GDPD5: variants seen among roughly 807,000 people sequenced by gnomAD.
GDPD5 encodes glycerophosphodiester phosphodiesterase domain containing 5.
Under a neutral mutation model 75.1 loss-of-function variants are expected in GDPD5, and 48 were observed. That is an observed-to-expected ratio of 0.64 (90% CI 0.51 to 0.81). GDPD5 has a LOEUF of 0.81. Ranked by LOEUF, GDPD5 falls within the 40% of genes least tolerant of loss-of-function variation. GDPD5 has a pLI of 0.00. For synonymous variants in GDPD5, 336 were observed against 339.0 expected, an observed-to-expected ratio of 0.99 and a Z score of 0.10; for missense variants, 706 against 822.6, an observed-to-expected ratio of 0.86 and a Z score of 1.73.
intron 14 of GDPD5, 26 bp downstream of exon 14, chr11:75,441,137 C>G: frequency 6.2e-7 from 1 of 1,610,506 alleles, no homozygotes; most frequent in Middle Eastern, 1.7e-4. Context: ...CACTGCCCCC[C>G]AGGGGCCCTC....
intron 4 of GDPD5, among the ~76,000 whole-genome samples, chr11:75,459,298 T>C (rs1023992950): frequency 6.6e-6 from 1 of 151,964 alleles, no homozygotes; most frequent in Non-Finnish European, 1.5e-5. Flanking sequence ...TTAGGATAGA[T>C]TCCTACAGAT....
At chr11:75,452,125 C>A (rs1001125544) in intron 6 of GDPD5, 3 of 152,236 alleles carry the variant, frequency 2.0e-5, no homozygotes, top group Non-Finnish European at 2.9e-5. Flanking sequence ...GGTGCCGGGA[C>A]CCGAGAGGAG....
chr11:75,499,510 A>T (rs1442190893), intron 1 of GDPD5, among the ~76,000 whole-genome samples: 1 of 151,230 alleles, frequency 6.6e-6, no homozygotes, highest in Non-Finnish European at 1.5e-5. Context: ...TGTTTTGGTC[A>T]ATCCTTGTGA....
chr11:75,463,222 C>T (rs746110065), intron 3 of GDPD5, among the ~76,000 whole-genome samples: 2 of 152,210 alleles, frequency 1.3e-5, no homozygotes, highest in East Asian at 1.9e-4. Context: ...GCACAGTGAT[C>T]GGCAGTCTGT....
chr11:75,480,523 T>C (rs1322865938), intron 2 of GDPD5, among the ~76,000 whole-genome samples: 1 of 152,176 alleles, frequency 6.6e-6, no homozygotes, highest in East Asian at 1.9e-4. Flanking sequence ...ATGGTAACTT[T>C]TATGTTTAAC....
Position 75,435,447 on chromosome 11 carries a change from C to T in GDPD5, c.*60G>A. The T allele has an allele frequency of 6.9e-7, 1 of 1,458,784 alleles. No homozygotes were observed. Among genetic ancestry groups the T allele is most frequent in the East Asian group, 2.4e-5 (1 of 42,542 alleles). The allele number at this position is 1,458,784 out of a possible 1,614,324, so 90.4% of individuals were successfully genotyped here. On this transcript the variant is annotated 3_prime_UTR_variant, in exon 17 of 17. Coordinates refer to ENST00000336898, the MANE Select transcript of GDPD5 (RefSeq NM_030792.8). ...ACTCCGAGTTCAGACACACTTCCAC[C>T]AGCTCTCCTAGGCTCCCCAGCTTCT...
chr11:75,492,187 A>C (rs1950121720), intron 1 of GDPD5, among the ~76,000 whole-genome samples: 1 of 152,074 alleles, frequency 6.6e-6, no homozygotes, highest in South Asian at 2.1e-4. Flanking sequence ...CCCTCTCTCC[A>C]TCCTGCCCAA....
At chr11:75,511,919 G>A (rs1950527025) in intron 1 of GDPD5, among the ~76,000 whole-genome samples, 1 of 152,180 alleles carries the variant, frequency 6.6e-6, no homozygotes, top group South Asian at 2.1e-4. Flanking sequence ...TGCAAAATGG[G>A]GATAATGCTA....
chr11:75,520,266 A>G (rs547449637), intron 1 of GDPD5, among the ~76,000 whole-genome samples: 287 of 152,294 alleles, frequency 1.9e-3, no homozygotes, highest in Admixed American at 3.9e-3. Context: ...GGGCAAGAAG[A>G]CTCATGCTGA....
At chr11:75,497,668 G>T (rs1308519247) in intron 1 of GDPD5, among the ~76,000 whole-genome samples, 1 of 152,150 alleles carries the variant, frequency 6.6e-6, no homozygotes, top group Non-Finnish European at 1.5e-5. Context: ...TCAATACATG[G>T]GTATCAGATG....
intron 9 of GDPD5, chr11:75,448,700 C>T (rs939623916): frequency 3.1e-5 from 36 of 1,151,214 alleles, no homozygotes; most frequent in Non-Finnish European, 3.6e-5. Flanking sequence ...CTGGGCCTTC[C>T]TAACTGGCAC....
At position 75,510,851 on chromosome 11, in the gene GDPD5, C is replaced by T. The variant is rs114601640; in HGVS notation, c.-145+14359G>A. ...GGTAATGGGTCCTGGAATTGCCTCA[C>T]TCTCTGCCCCTCAGGACCTGGGACT... On this transcript the variant is annotated intron_variant, in intron 1 of 16. Coordinates refer to ENST00000336898, the MANE Select transcript of GDPD5 (RefSeq NM_030792.8). Among the ~76,000 whole-genome samples, 993 of 152,340 alleles carry T rather than the reference C, an allele frequency of 6.5e-3. 11 individuals carry two copies. The highest frequency in any genetic ancestry group is 0.023 in the African/African-American group (952 of 41,568).
chr11:75,492,821 C>T (rs1451990261), intron 1 of GDPD5, among the ~76,000 whole-genome samples: 2 of 152,178 alleles, frequency 1.3e-5, no homozygotes, highest in African/African-American at 2.4e-5. Context: ...CAACCTCCAC[C>T]TCTTGGGTTC....
intron 1 of GDPD5, among the ~76,000 whole-genome samples, chr11:75,495,291 TAA>T (rs1398861985): frequency 2.7e-4 from 41 of 150,628 alleles, no homozygotes; most frequent in East Asian, 5.8e-4. Context: ...ACACTATATA[TAA>T]GTCTGAATTT....
intron 3 of GDPD5, among the ~76,000 whole-genome samples, chr11:75,474,206 C>T (rs1430277023): frequency 1.3e-5 from 2 of 152,234 alleles, no homozygotes; most frequent in Non-Finnish European, 1.5e-5. Flanking sequence ...GGTAAATGTA[C>T]TACAGAAGTG....
intron 1 of GDPD5, among the ~76,000 whole-genome samples, chr11:75,504,542 A>T (rs1396398369): frequency 6.6e-6 from 1 of 152,250 alleles, no homozygotes; most frequent in Non-Finnish European, 1.5e-5. Flanking sequence ...AACCATGAGG[A>T]CACTATGCTA....
intron 1 of GDPD5, among the ~76,000 whole-genome samples, chr11:75,511,195 T>C: frequency 6.6e-6 from 1 of 152,206 alleles, no homozygotes; most frequent in Admixed American, 6.5e-5. Flanking sequence ...CCATTATCAC[T>C]GAATCTTTTC....
At chr11:75,489,261 A>C (rs114019817) in intron 2 of GDPD5, among the ~76,000 whole-genome samples, 1 of 152,212 alleles carries the variant, frequency 6.6e-6, no homozygotes, top group African/African-American at 2.4e-5. Context: ...TTTCTGTACC[A>C]TATCTAGTGT....
intron 6 of GDPD5, among the ~76,000 whole-genome samples, chr11:75,455,965 G>A (rs558423408): frequency 3.0e-4 from 46 of 152,314 alleles, no homozygotes; most frequent in African/African-American, 1.1e-3. Context: ...TGGGTGGGTC[G>A]GGGTCAGGGA....
Sources: gnomAD v4.1 joint callset for allele counts (sites outside exome capture counted in the v4.1 genomes callset) on GRCh38, gnomAD v4.1.1 for gene constraint, MANE v1.5 for transcripts, NCBI Gene and HGNC (gene_info 2026-07-23, HGNC 2026-07-21) for gene names.